NRXN3: variants seen among roughly 807,000 people sequenced by gnomAD.
NRXN3 encodes neurexin III.
Under a neutral mutation model 137.6 loss-of-function variants are expected in NRXN3, and 32 were observed. That is an observed-to-expected ratio of 0.23 (90% CI 0.18 to 0.31). The LOEUF (loss-of-function observed/expected upper bound fraction) is 0.31, where lower values mean the gene tolerates loss of function less well. Among genes scored for constraint, NRXN3 ranks in the 10% least tolerant of loss-of-function variants. The pLI is 1.00. For missense variants in NRXN3, 1,574 were observed against 2,062.5 expected, an observed-to-expected ratio of 0.76 and a Z score of 4.59; for synonymous variants, 798 against 784.5, an observed-to-expected ratio of 1.02 and a Z score of -0.29.
chr14:78,343,768 C>A (rs748141095), intron 4 of NRXN3, among the ~76,000 whole-genome samples: 1 of 152,184 alleles, frequency 6.6e-6, no homozygotes, highest in Non-Finnish European at 1.5e-5. Flanking sequence ...CCACCTTGGC[C>A]GCACATTGCA....
At chr14:79,162,370 C>G (rs1369086991) in intron 15 of NRXN3, among the ~76,000 whole-genome samples, 1 of 148,886 alleles carries the variant, frequency 6.7e-6, no homozygotes, top group African/African-American at 2.5e-5. Flanking sequence ...TCAATTACCA[C>G]CTGTGAGTGA....
chr14:79,002,398 G>T (rs539274772), intron 15 of NRXN3, among the ~76,000 whole-genome samples: 3 of 152,178 alleles, frequency 2.0e-5, no homozygotes, highest in South Asian at 4.2e-4. Context: ...GCCCCAGTGT[G>T]TGTTGTTCCT....
chr14:79,090,804 C>T (rs2049018586), intron 15 of NRXN3, among the ~76,000 whole-genome samples: 1 of 152,104 alleles, frequency 6.6e-6, no homozygotes, highest in Non-Finnish European at 1.5e-5. Context: ...CATAGCACTG[C>T]CTAAACATAC....
intron 10 of NRXN3, among the ~76,000 whole-genome samples, chr14:78,831,320 G>A (rs777262190): frequency 6.6e-6 from 1 of 151,926 alleles, no homozygotes; most frequent in Non-Finnish European, 1.5e-5. Context: ...GGTGGATCAC[G>A]AGGTCAGGAG....
chr14:78,343,253 C>G (rs771276841), intron 4 of NRXN3, among the ~76,000 whole-genome samples: 5 of 152,150 alleles, frequency 3.3e-5, no homozygotes, highest in Non-Finnish European at 5.9e-5. Context: ...ACTTTTTGAG[C>G]CTTTGTTTCC....
Position 79,326,368 on chromosome 14 carries a change from T to C in NRXN3, c.3263-140853T>C, listed in dbSNP as rs76170698. On this transcript the variant is annotated intron_variant, in intron 15 of 20. Transcript: ENST00000335750. ...ATGTGTATATATTGTTTAGCCCCCATGACAACAGTATGAGGGTAGGTACCA... is the reference window on the plus strand; with the variant it reads ...ATGTGTATATATTGTTTAGCCCCCACGACAACAGTATGAGGGTAGGTACCA... Among the ~76,000 whole-genome samples, 80 of 152,274 alleles carry C rather than the reference T, an allele frequency of 5.3e-4. 2 individuals are homozygous for C. In the East Asian group the frequency reaches 0.014, roughly 27 times the overall value.
chr14:78,792,248 G>GA, intron 8 of NRXN3, among the ~76,000 whole-genome samples: 1 of 24,284 alleles, frequency 4.1e-5, no homozygotes, highest in Non-Finnish European at 6.6e-5. Context: ...GGAGATTGTA[G>GA]ACTAAAGGCA....
intron 15 of NRXN3, among the ~76,000 whole-genome samples, chr14:79,214,780 G>A (rs2068227555): frequency 1.3e-5 from 2 of 152,050 alleles, no homozygotes; most frequent in Admixed American, 1.3e-4. Context: ...AGAAGATAGG[G>A]GCTCTATCAG....
At chr14:78,635,400 G>A (rs1338728470) in intron 4 of NRXN3, among the ~76,000 whole-genome samples, 3 of 152,146 alleles carry the variant, frequency 2.0e-5, no homozygotes, top group Admixed American at 2.0e-4. Flanking sequence ...AAACATGTAT[G>A]TGTGAATATA....
At chr14:78,659,187 G>C (rs557222727) in intron 6 of NRXN3, among the ~76,000 whole-genome samples, 1 of 152,276 alleles carries the variant, frequency 6.6e-6, no homozygotes, top group South Asian at 2.1e-4. Flanking sequence ...TGTGAAGACA[G>C]AGGGAGAAGA....
At chr14:78,871,296 T>C (rs1416599295) in intron 10 of NRXN3, among the ~76,000 whole-genome samples, 1 of 151,876 alleles carries the variant, frequency 6.6e-6, no homozygotes, top group South Asian at 2.1e-4. Context: ...TGATTTGCAT[T>C]TCTCTGATGA....
intron 6 of NRXN3, among the ~76,000 whole-genome samples, chr14:78,653,035 T>C (rs1167202318): frequency 1.3e-5 from 2 of 152,206 alleles, no homozygotes; most frequent in African/African-American, 4.8e-5. Flanking sequence ...TAATAAATCA[T>C]GTGCGAATTG....
chr14:79,817,846 T>C (rs546885997), intron 20 of NRXN3, among the ~76,000 whole-genome samples: 4 of 152,294 alleles, frequency 2.6e-5, no homozygotes, highest in African/African-American at 9.6e-5. Context: ...TTAGTTATTA[T>C]GTATCAAAAA....
intron 8 of NRXN3, among the ~76,000 whole-genome samples, chr14:78,758,652 T>C (rs1287777272): frequency 6.6e-6 from 1 of 152,240 alleles, no homozygotes; most frequent in African/African-American, 2.4e-5. Context: ...TCCGTTTTTC[T>C]TTCTTATGGT....
chr14:78,740,299 T>C (rs936606151), intron 8 of NRXN3, among the ~76,000 whole-genome samples: 3 of 152,152 alleles, frequency 2.0e-5, no homozygotes, highest in African/African-American at 7.2e-5. Flanking sequence ...GATTATCGCC[T>C]GATGTCTTGA....
intron 15 of NRXN3, among the ~76,000 whole-genome samples, chr14:79,275,369 C>T (rs570694450): frequency 1.9e-4 from 29 of 152,176 alleles, no homozygotes; most frequent in African/African-American, 5.5e-4. Context: ...CAGAAACAGT[C>T]GGTTCTGATG....
intron 19 of NRXN3, among the ~76,000 whole-genome samples, chr14:79,783,711 A>T (rs1280895411): frequency 6.6e-6 from 1 of 152,146 alleles, no homozygotes; most frequent in Non-Finnish European, 1.5e-5. Context: ...TAAAATTCTG[A>T]TAGTATCATG....
chr14:78,266,077 A>C (rs1314833887), intron 2 of NRXN3, among the ~76,000 whole-genome samples: 2 of 152,182 alleles, frequency 1.3e-5, no homozygotes, highest in Admixed American at 1.3e-4. Flanking sequence ...CCACTTTTCA[A>C]ATTCTCTGCT....
intron 16 of NRXN3, among the ~76,000 whole-genome samples, chr14:79,498,198 A>T (rs1349419964): frequency 6.6e-6 from 1 of 152,200 alleles, no homozygotes; most frequent in Non-Finnish European, 1.5e-5. Context: ...AAATAGATGA[A>T]AGTTAAACAT....
Sources: gnomAD v4.1 joint callset for allele counts (sites outside exome capture counted in the v4.1 genomes callset) on GRCh38, gnomAD v4.1.1 for gene constraint, MANE v1.5 for transcripts, NCBI Gene and HGNC (gene_info 2026-07-23, HGNC 2026-07-21) for gene names.